Variants in LINGO2 observed in about 807,000 individuals in gnomAD.
LINGO2 encodes the protein leucine-rich repeat and immunoglobulin-like domain-containing nogo receptor-interacting protein 2.
In LINGO2, 14 loss-of-function variants were observed where a neutral mutation model predicts 30.6. The ratio of observed to expected loss-of-function variants is 0.46; its 90% CI spans 0.30 to 0.72. The LOEUF is 0.72. Ranked by LOEUF, LINGO2 falls within the 30% of genes least tolerant of loss-of-function variation. The pLI is 0.07. For missense variants in LINGO2, 729 were observed against 751.7 expected (o/e 0.97, Z 0.35); for synonymous variants, 317 against 288.5 (o/e 1.10, Z -1.00).
intron 4 of LINGO2, among the ~76,000 whole-genome samples, chr9:28,253,721 G>C (rs1822286318): frequency 6.6e-6 from 1 of 152,062 alleles, no homozygotes; most frequent in Non-Finnish European, 1.5e-5. Context: ...CTGCGGCCTG[G>C]GGCAACCTAA....
chr9:28,296,018 T>C (rs1443389687), intron 3 of LINGO2, among the ~76,000 whole-genome samples: 8 of 152,182 alleles, frequency 5.3e-5, no homozygotes, highest in Admixed American at 5.2e-4. Context: ...TGTAAATGCA[T>C]TGTAGCCAGA....
intron 1 of LINGO2, among the ~76,000 whole-genome samples, chr9:28,540,142 A>G (rs938346242): frequency 6.6e-6 from 1 of 152,098 alleles, no homozygotes; most frequent in Non-Finnish European, 1.5e-5. Context: ...TCGGACTCTA[A>G]CCTTATTTCT....
chr9:28,950,295 A>G, the LINGO2 span, among the ~76,000 whole-genome samples: 3 of 152,302 alleles, frequency 2.0e-5, no homozygotes, highest in East Asian at 5.8e-4. Flanking sequence ...ATCATATGGA[A>G]TGGGTAAAAA....
chr9:28,337,998 C>T (rs1229161354), intron 3 of LINGO2, among the ~76,000 whole-genome samples: 3 of 152,246 alleles, frequency 2.0e-5, no homozygotes, highest in African/African-American at 7.2e-5. Flanking sequence ...ATCGTCCAGA[C>T]CCCAGAATGG....
intron 4 of LINGO2, among the ~76,000 whole-genome samples, chr9:28,136,775 A>G (rs1827529583): frequency 6.6e-6 from 1 of 152,134 alleles, no homozygotes; most frequent in African/African-American, 2.4e-5. Flanking sequence ...AGATAAACAT[A>G]TGGTTAAGCA....
intron 4 of LINGO2, among the ~76,000 whole-genome samples, chr9:28,185,648 C>A (rs976908157): frequency 3.9e-5 from 6 of 152,090 alleles, no homozygotes; most frequent in African/African-American, 1.4e-4. Context: ...AATAGGACTG[C>A]AAAAATATAG....
the LINGO2 span, among the ~76,000 whole-genome samples, chr9:29,071,192 T>C: frequency 0.2 from 29,154 of 148,646 alleles, 3,030 homozygotes; most frequent in African/African-American, 0.24. Flanking sequence ...TTGTATTGTA[T>C]TGTATTGTAT....
At position 28,462,400 on chromosome 9, in the gene LINGO2, C is replaced by G. The variant is rs868186138; in HGVS notation, c.-279+13540G>C. On this transcript the variant is annotated intron_variant, in intron 2 of 5. Transcript: ENST00000379992. Reference sequence around the variant, plus strand: ...AAGGGTCACACACTAGAATAACATTCATCATGCTCTAGCTAAAAAAAAAAA... The same window carrying G: ...AAGGGTCACACACTAGAATAACATTGATCATGCTCTAGCTAAAAAAAAAAA... 4.8e-5 allele frequency among the ~76,000 whole-genome samples: 6 copies of G among 125,286 alleles called. No individual in the cohort carries two copies. In the South Asian group the frequency reaches 1.6e-3, roughly 33 times the overall value. 82.2% of individuals were successfully genotyped at this position (125,286 alleles called of 152,430 possible).
At chr9:28,570,971 G>GA (rs952748010) in intron 1 of LINGO2, among the ~76,000 whole-genome samples, 64 of 146,080 alleles carry the variant, frequency 4.4e-4, no homozygotes, top group African/African-American at 1.3e-3. Flanking sequence ...ATATTCAACT[G>GA]AAAAAAAAAG....
At position 28,282,845 on chromosome 9, in the gene LINGO2, T is replaced by C. The variant is rs911562846; in HGVS notation, c.-87+12363A>G. ...AAATTTATATGCAAAGAATTTACTT[T>C]TAGTTCTTCTATATCCATAGCAATA... On this transcript the variant is annotated intron_variant, in intron 4 of 5. Transcript: ENST00000379992. Among the ~76,000 whole-genome samples the C allele has an allele frequency of 1.2e-4, 18 of 152,308 alleles. No individual in the cohort carries two copies. In the East Asian group the frequency reaches 3.3e-3, roughly 28 times the overall value.
At chr9:28,213,822 A>C (rs1820675013) in intron 4 of LINGO2, among the ~76,000 whole-genome samples, 1 of 151,512 alleles carries the variant, frequency 6.6e-6, no homozygotes, top group East Asian at 1.9e-4. Context: ...TTATAAACTT[A>C]CACTCCACAC....
chr9:28,553,049 A>T (rs1311407802), intron 1 of LINGO2, among the ~76,000 whole-genome samples: 1 of 151,988 alleles, frequency 6.6e-6, no homozygotes, highest in Non-Finnish European at 1.5e-5. Flanking sequence ...CTTTCTTCAA[A>T]TATCTAATAA....
At chr9:28,638,890 T>C (rs997362296) in intron 1 of LINGO2, among the ~76,000 whole-genome samples, 4 of 152,188 alleles carry the variant, frequency 2.6e-5, no homozygotes, top group African/African-American at 9.6e-5. Flanking sequence ...CTTGCTTCTC[T>C]AGTTCTTTGA....
chr9:28,882,033 C>T, the LINGO2 span, among the ~76,000 whole-genome samples: 1 of 152,152 alleles, frequency 6.6e-6, no homozygotes, highest in Non-Finnish European at 1.5e-5. Flanking sequence ...AAGCACACAG[C>T]GGACCACTGT....
intron 4 of LINGO2, among the ~76,000 whole-genome samples, chr9:28,051,553 T>C (rs553677076): frequency 1.3e-5 from 2 of 152,134 alleles, no homozygotes; most frequent in South Asian, 4.1e-4. Context: ...AACAGATAAA[T>C]TCCTACCTCT....
At chr9:28,467,150 C>T (rs991420861) in intron 2 of LINGO2, among the ~76,000 whole-genome samples, 2 of 151,970 alleles carry the variant, frequency 1.3e-5, no homozygotes, top group Non-Finnish European at 2.9e-5. Flanking sequence ...CTCAGCCTCC[C>T]GAGTAGCTGG....
the LINGO2 span, among the ~76,000 whole-genome samples, chr9:28,814,259 A>G: frequency 6.6e-6 from 1 of 152,168 alleles, no homozygotes; most frequent in Admixed American, 6.5e-5. Context: ...CAACATGGCA[A>G]AACCCTGTCT....
chr9:29,049,689 C>A, the LINGO2 span, among the ~76,000 whole-genome samples: 1 of 152,004 alleles, frequency 6.6e-6, no homozygotes, highest in Admixed American at 6.6e-5. Context: ...ATAAACCAGG[C>A]CCAGAAAAAC....
At chr9:29,148,466 T>C in the LINGO2 span, among the ~76,000 whole-genome samples, 1 of 152,174 alleles carries the variant, frequency 6.6e-6, no homozygotes, top group Non-Finnish European at 1.5e-5. Context: ...ACACTTTTGG[T>C]GTCTATGATT....
Sources: gnomAD v4.1 joint callset for allele counts (sites outside exome capture counted in the v4.1 genomes callset) on GRCh38, gnomAD v4.1.1 for gene constraint, MANE v1.5 for transcripts, NCBI Gene and HGNC (gene_info 2026-07-23, HGNC 2026-07-21) for gene names.